Variants in PDS5A observed in about 807,000 individuals in gnomAD.
PDS5A encodes the protein sister chromatid cohesion protein PDS5 homolog A.
In PDS5A, 42 loss-of-function variants were observed where a neutral mutation model predicts 167.1. The ratio of observed to expected loss-of-function variants is 0.25; its 90% CI spans 0.20 to 0.33. The LOEUF (loss-of-function observed/expected upper bound fraction) is 0.33, where lower values mean the gene tolerates loss of function less well. PDS5A is among the 10% of genes least tolerant of loss of function. The probability of loss-of-function intolerance (pLI) is 1.00; values close to 1 mark genes in which losing one functional copy is unlikely to be tolerated. For synonymous variants in PDS5A, 553 were observed against 554.6 expected (o/e 1.00, Z 0.04); for missense variants, 1,033 against 1,605.9 (o/e 0.64, Z 6.10).
intron 26 of PDS5A, among the ~76,000 whole-genome samples, chr4:39,853,763 C>A (rs1196288280): frequency 6.6e-6 from 1 of 152,214 alleles, no homozygotes. Context: ...CTCCCCAATT[C>A]ATAGCCAATT....
Position 39,977,545 on chromosome 4 carries a change from G to C in PDS5A, c.-129C>G, listed in dbSNP as rs1731236888. On this transcript the variant is annotated 5_prime_UTR_variant, in exon 1 of 33. Coordinates refer to ENST00000303538, the MANE Select transcript of PDS5A (RefSeq NM_001100399.2). This position sits in a 1 kb window ranked among gnomAD's most constrained non-coding sequence, Gnocchi z 4.2. ...CGCCCCTAGTCGGGCTGCACACAAA[G>C]CGGCTCCGCGGGTCCCGCCGCCGCC... 6.2e-6 allele frequency: 1 copy of C among 160,752 alleles called. No individual in the cohort carries two copies. Among genetic ancestry groups the C allele is most frequent in the Non-Finnish European group, 1.3e-5 (1 of 76,146 alleles). The allele number at this position is 160,752 out of a possible 1,614,324, so 10.0% of individuals were successfully genotyped here. A position where few individuals can be genotyped will look rare whatever the true frequency, so the allele number is the denominator to read the frequency against.
At chr4:39,953,895 G>C (rs1360342316) in intron 2 of PDS5A, among the ~76,000 whole-genome samples, 2 of 152,104 alleles carry the variant, frequency 1.3e-5, no homozygotes, top group South Asian at 2.1e-4. Flanking sequence ...AATAGCCAAA[G>C]CACAATATGC....
At chr4:39,855,000 G>C (rs1718420862) in intron 26 of PDS5A, among the ~76,000 whole-genome samples, 1 of 152,104 alleles carries the variant, frequency 6.6e-6, no homozygotes. Flanking sequence ...CTATATTTAA[G>C]TACGATTTTT....
At chr4:39,896,059 T>C (rs1722387132) in intron 16 of PDS5A, among the ~76,000 whole-genome samples, 1 of 150,452 alleles carries the variant, frequency 6.6e-6, no homozygotes, top group Non-Finnish European at 1.5e-5. Context: ...AAAAAATTTT[T>C]GGAGACAGGA....
chr4:39,828,403 G>A (rs1715507497), intron 32 of PDS5A, among the ~76,000 whole-genome samples: 1 of 152,122 alleles, frequency 6.6e-6, no homozygotes, highest in Non-Finnish European at 1.5e-5. Context: ...AACCCTATAG[G>A]TAGGAATCAA....
chr4:39,976,419 A>G, intron 2 of PDS5A, 21 bp downstream of exon 2: 1 of 1,602,798 alleles, frequency 6.2e-7, no homozygotes, highest in South Asian at 1.1e-5. Flanking sequence ...CAAAGACATC[A>G]AAATCCGTCC....
At chr4:39,882,727 G>A (rs1721068026) in intron 17 of PDS5A, among the ~76,000 whole-genome samples, 1 of 152,112 alleles carries the variant, frequency 6.6e-6, no homozygotes, top group Non-Finnish European at 1.5e-5. Flanking sequence ...ATGCGTCAAG[G>A]AGCTATAAGC....
At chr4:39,962,153 G>A (rs1011866352) in intron 2 of PDS5A, among the ~76,000 whole-genome samples, 2 of 152,000 alleles carry the variant, frequency 1.3e-5, no homozygotes, top group Non-Finnish European at 2.9e-5. Flanking sequence ...CGCCTCCCGG[G>A]TTCACGGCAT....
chr4:39,904,651 G>C (rs1271775646), intron 11 of PDS5A, among the ~76,000 whole-genome samples: 11 of 152,098 alleles, frequency 7.2e-5, no homozygotes, highest in Non-Finnish European at 1.6e-4. Context: ...TTTTGAATCT[G>C]TTCCTATTTA....
At position 39,920,679 on chromosome 4, in the gene PDS5A, T is replaced by G. The variant is rs182524192; in HGVS notation, c.655-280A>C. Among the ~76,000 whole-genome samples the G allele has an allele frequency of 4.9e-3, 752 of 152,322 alleles. 2 individuals are homozygous for G. Among genetic ancestry groups the G allele is most frequent in the African/African-American group, 0.016 (685 of 41,574 alleles). Reference sequence around the variant, plus strand: ...ACAACACTATATTGTTTTATTAAACTCAAAACAGACCTAATGCTTTTTGGT... The same window carrying G: ...ACAACACTATATTGTTTTATTAAACGCAAAACAGACCTAATGCTTTTTGGT... On this transcript the variant is annotated intron_variant, in intron 6 of 32. Transcript: ENST00000303538.
chr4:39,945,257 G>C (rs1441530189), intron 2 of PDS5A, among the ~76,000 whole-genome samples: 1 of 151,808 alleles, frequency 6.6e-6, no homozygotes, highest in African/African-American at 2.4e-5. Context: ...TCAGGAGATC[G>C]AGACCATCCT....
intron 17 of PDS5A, among the ~76,000 whole-genome samples, chr4:39,881,818 CA>C (rs1720953865): frequency 6.6e-6 from 1 of 152,216 alleles, no homozygotes; most frequent in South Asian, 2.1e-4. Flanking sequence ...TGTCCCCACT[CA>C]AATCTCACTT....
chr4:39,853,365 A>G (rs2109525168), intron 26 of PDS5A, among the ~76,000 whole-genome samples: 1 of 152,368 alleles, frequency 6.6e-6, no homozygotes, highest in Non-Finnish European at 1.5e-5. Flanking sequence ...GAAGCTTGAT[A>G]TAATTATAAA....
intron 2 of PDS5A, among the ~76,000 whole-genome samples, chr4:39,937,496 C>T (rs1224062870): frequency 6.6e-6 from 1 of 152,098 alleles, no homozygotes; most frequent in Non-Finnish European, 1.5e-5. Context: ...TTACAACAGC[C>T]TCAACCTCCC....
At chr4:39,891,056 G>A (rs1485590093) in intron 16 of PDS5A, among the ~76,000 whole-genome samples, 1 of 151,038 alleles carries the variant, frequency 6.6e-6, no homozygotes, top group Non-Finnish European at 1.5e-5. Flanking sequence ...TTGAGCTGGA[G>A]TCTCGCTCTG....
At position 39,825,378 on chromosome 4, in the gene PDS5A, G is replaced by T; in HGVS notation, c.*107C>A. 1 of 868,770 alleles carries T rather than the reference G, an allele frequency of 1.2e-6. No homozygotes were observed. Among genetic ancestry groups the T allele is most frequent in the Non-Finnish European group, 1.8e-6 (1 of 547,390 alleles). 53.8% of individuals were successfully genotyped at this position (868,770 alleles called of 1,614,324 possible). A position where few individuals can be genotyped will look rare whatever the true frequency, so the allele number is the denominator to read the frequency against. ...TTTCAAGGCAGAGAGTGTGTGTTCT[G>T]AAGTGAGCTTCATTTTCTGTTCAGG... On this transcript the variant is annotated 3_prime_UTR_variant, in exon 33 of 33. Transcript: ENST00000303538.
chr4:39,848,375 A>G (rs1393432705), intron 28 of PDS5A: 1 of 157,506 alleles, frequency 6.3e-6, no homozygotes, highest in Non-Finnish European at 1.4e-5. Flanking sequence ...GATGCACTGT[A>G]TATTAATTAA....
intron 16 of PDS5A, among the ~76,000 whole-genome samples, chr4:39,896,295 C>A (rs1376843234): frequency 6.6e-6 from 1 of 150,490 alleles, no homozygotes; most frequent in East Asian, 2.0e-4. Flanking sequence ...ATCCTCCTGC[C>A]TAGGCCTCCC....
At chr4:39,946,117 G>A (rs1727733581) in intron 2 of PDS5A, among the ~76,000 whole-genome samples, 1 of 150,106 alleles carries the variant, frequency 6.7e-6, no homozygotes, top group South Asian at 2.1e-4. Context: ...TGAGGCAGGA[G>A]AATCGCTTGA....
Sources: gnomAD v4.1 joint callset for allele counts (sites outside exome capture counted in the v4.1 genomes callset) on GRCh38, gnomAD v4.1.1 for gene constraint, Gnocchi (gnomAD v3.1) non-coding constraint, MANE v1.5 for transcripts, NCBI Gene and HGNC (gene_info 2026-07-23, HGNC 2026-07-21) for gene names.